The following PLCB1 variants were observed in gnomAD, a reference collection of about 807,000 sequenced individuals.
PLCB1 encodes 1-phosphatidylinositol 4,5-bisphosphate phosphodiesterase beta-1.
PLCB1 carries 46 observed loss-of-function variants against 161.8 expected under a neutral mutation model. The ratio of observed to expected loss-of-function variants is 0.28; its 90% CI spans 0.22 to 0.36. The LOEUF (loss-of-function observed/expected upper bound fraction) is 0.36. Ranked by LOEUF, PLCB1 falls within the 10% of genes least tolerant of loss-of-function variation. The probability of loss-of-function intolerance (pLI) is 1.00; values close to 1 mark genes in which losing one functional copy is unlikely to be tolerated. For synonymous variants in PLCB1, 517 were observed against 503.7 expected, an observed-to-expected ratio of 1.03 and a Z score of -0.35; for missense variants, 1,016 against 1,472.5, an observed-to-expected ratio of 0.69 and a Z score of 5.07.
At chr20:8,475,729 G>C (rs1024224549) in intron 3 of PLCB1, among the ~76,000 whole-genome samples, 72 of 152,236 alleles carry the variant, frequency 4.7e-4, no homozygotes, top group African/African-American at 1.6e-3. Flanking sequence ...CCAATATCTT[G>C]TATAGGAACA....
At chr20:8,505,929 C>T (rs1422753510) in intron 3 of PLCB1, among the ~76,000 whole-genome samples, 1 of 152,214 alleles carries the variant, frequency 6.6e-6, no homozygotes, top group Admixed American at 6.5e-5. Flanking sequence ...TGGGAAAGCA[C>T]TGTTTTCACT....
chr20:8,666,117 C>G (rs911907003), intron 9 of PLCB1, among the ~76,000 whole-genome samples: 2 of 152,128 alleles, frequency 1.3e-5, no homozygotes, highest in African/African-American at 2.4e-5. Context: ...CCTTGGGTTG[C>G]AAAGTTCTGA....
intron 9 of PLCB1, among the ~76,000 whole-genome samples, chr20:8,674,183 A>G (rs1427608579): frequency 6.6e-6 from 1 of 152,248 alleles, no homozygotes; most frequent in East Asian, 1.9e-4. Flanking sequence ...CATACCAGCA[A>G]ATATATCTAT....
intron 24 of PLCB1, among the ~76,000 whole-genome samples, 165 bp from the exon 25 acceptor site, chr20:8,760,242 A>G (rs548722550): frequency 1.3e-5 from 2 of 152,306 alleles, no homozygotes; most frequent in South Asian, 4.1e-4. Context: ...CAAAGCTGCA[A>G]ATGAAGACTT....
intron 2 of PLCB1, among the ~76,000 whole-genome samples, chr20:8,364,711 T>C (rs1331670094): frequency 6.6e-6 from 1 of 152,232 alleles, no homozygotes; most frequent in Non-Finnish European, 1.5e-5. Flanking sequence ...CCAAGGTCTT[T>C]TTGTCGAGGG....
At chr20:8,234,634 A>G (rs894001646) in intron 2 of PLCB1, among the ~76,000 whole-genome samples, 12 of 152,122 alleles carry the variant, frequency 7.9e-5, no homozygotes, top group African/African-American at 2.9e-4. Context: ...ACATACGCAT[A>G]CTTTAGTGAA....
intron 3 of PLCB1, among the ~76,000 whole-genome samples, chr20:8,442,004 G>A (rs987661199): frequency 3.9e-5 from 6 of 152,014 alleles, no homozygotes; most frequent in African/African-American, 1.4e-4. Flanking sequence ...ACACACATAC[G>A]CAGAAGACAC....
At chr20:8,267,036 TAA>T (rs376821037) in intron 2 of PLCB1, among the ~76,000 whole-genome samples, 21 of 126,090 alleles carry the variant, frequency 1.7e-4, no homozygotes, top group Non-Finnish European at 1.7e-4. Flanking sequence ...AGACTTCGTC[TAA>T]AAAAAAAAAA....
chr20:8,537,773 A>G (rs1044911141), intron 3 of PLCB1, among the ~76,000 whole-genome samples: 6 of 152,232 alleles, frequency 3.9e-5, no homozygotes, highest in African/African-American at 1.4e-4. Flanking sequence ...ATCTATCAGA[A>G]TAGAGCAGTG....
chr20:8,253,573 A>G (rs906801319), intron 2 of PLCB1, among the ~76,000 whole-genome samples: 1 of 152,040 alleles, frequency 6.6e-6, no homozygotes, highest in Non-Finnish European at 1.5e-5. Flanking sequence ...GAGGACAGGA[A>G]GAATATTGAG....
intron 3 of PLCB1, among the ~76,000 whole-genome samples, chr20:8,529,565 T>A (rs1262913948): frequency 6.6e-6 from 1 of 152,034 alleles, no homozygotes; most frequent in Non-Finnish European, 1.5e-5. Flanking sequence ...CTTAAAAGGG[T>A]TTGAAGGAAT....
rs184685828 is a variant in PLCB1, at chr20:8,623,130, C to T, written c.247-5164C>T. Among the ~76,000 whole-genome samples the T allele has an allele frequency of 1.1e-3, 170 of 152,118 alleles. 1 individual carries two copies. In the East Asian group the frequency reaches 0.011, roughly 10 times the overall value. On this transcript the variant is annotated intron_variant, in intron 3 of 31. Transcript: ENST00000338037. The stretch of plus-strand genomic sequence containing the variant: ...ATTAAACCAGACCCTGAGCTTGTTC[C>T]TGGAGATGAGGAAAATCTAGGATGC...
intron 3 of PLCB1, among the ~76,000 whole-genome samples, chr20:8,447,044 A>G (rs1980866906): frequency 2.0e-5 from 3 of 152,222 alleles, no homozygotes; most frequent in Non-Finnish European, 2.9e-5. Flanking sequence ...ATGTGTGTAT[A>G]AATATACATA....
At chr20:8,408,317 G>A (rs1978876465) in intron 3 of PLCB1, among the ~76,000 whole-genome samples, 1 of 152,038 alleles carries the variant, frequency 6.6e-6, no homozygotes, top group Non-Finnish European at 1.5e-5. Context: ...TGAAGCTGAG[G>A]TGGGAAGATT....
chr20:8,240,154 GA>G (rs888293459), intron 2 of PLCB1, among the ~76,000 whole-genome samples: 9 of 150,174 alleles, frequency 6.0e-5, no homozygotes, highest in African/African-American at 1.5e-4. Flanking sequence ...TTTTTTTCAT[GA>G]AAAAAAACAA....
chr20:8,364,138 T>A (rs1986630329), intron 2 of PLCB1, among the ~76,000 whole-genome samples: 1 of 152,188 alleles, frequency 6.6e-6, no homozygotes, highest in Non-Finnish European at 1.5e-5. Flanking sequence ...GTTTTTTTGG[T>A]TCGGTATCTT....
chr20:8,148,186 C>A (rs1039512484), intron 1 of PLCB1, among the ~76,000 whole-genome samples: 2 of 152,252 alleles, frequency 1.3e-5, no homozygotes, highest in African/African-American at 4.8e-5. Context: ...TGTGTGCAGC[C>A]TGTCAAAACT....
At position 8,137,885 on chromosome 20, in the gene PLCB1, C is replaced by T. The variant is rs1224772021; in HGVS notation, c.99+5135C>T. Among the ~76,000 whole-genome samples the T allele has an allele frequency of 3.9e-5, 6 of 152,282 alleles. No individual in the cohort carries two copies. In the South Asian group the frequency reaches 1.0e-3, roughly 26 times the overall value. Reference sequence around the variant, plus strand: ...TAAAAAAAACCTCTTCAGCCTAAAACATTTTTATTATTGCTGAACTGATCC... The same window carrying T: ...TAAAAAAAACCTCTTCAGCCTAAAATATTTTTATTATTGCTGAACTGATCC... On this transcript the variant is annotated intron_variant, in intron 1 of 31. Coordinates refer to ENST00000338037, the MANE Select transcript of PLCB1 (RefSeq NM_015192.4).
intron 3 of PLCB1, among the ~76,000 whole-genome samples, chr20:8,614,462 A>C (rs987436574): frequency 1.3e-5 from 2 of 152,134 alleles, no homozygotes; most frequent in Admixed American, 1.3e-4. Context: ...ATATAGTAGA[A>C]TACTACAGAA....
Sources: gnomAD v4.1 joint callset for allele counts (sites outside exome capture counted in the v4.1 genomes callset) on GRCh38, gnomAD v4.1.1 for gene constraint, MANE v1.5 for transcripts, NCBI Gene and HGNC (gene_info 2026-07-23, HGNC 2026-07-21) for gene names.